GAD2: variants seen among roughly 807,000 people sequenced by gnomAD.
The protein encoded by GAD2 is glutamate decarboxylase 2.
In GAD2, 22 loss-of-function variants were observed where a neutral mutation model predicts 80.1. The ratio of observed to expected loss-of-function variants is 0.27; its 90% confidence interval spans 0.20 to 0.39. GAD2 has a LOEUF of 0.39. Among genes scored for constraint, GAD2 ranks in the 10% least tolerant of loss-of-function variants. GAD2 has a pLI of 1.00. For synonymous variants in GAD2, 274 were observed against 256.9 expected (o/e 1.07, Z -0.64); for missense variants, 624 against 738.4 (o/e 0.85, Z 1.80).
intron 12 of GAD2, among the ~76,000 whole-genome samples, chr10:26,285,017 T>TA (rs755686630): frequency 6.6e-6 from 1 of 152,206 alleles, no homozygotes; most frequent in Non-Finnish European, 1.5e-5. Flanking sequence ...GCCTGAGGAA[T>TA]AATGGTACAA....
chr10:26,247,990 C>T (rs1008708857), intron 8 of GAD2, among the ~76,000 whole-genome samples: 3 of 151,506 alleles, frequency 2.0e-5, no homozygotes, highest in East Asian at 1.9e-4. Context: ...GAGGTTCACT[C>T]GCCAGCAGCA....
intron 3 of GAD2, chr10:26,218,349 G>T (rs941569682): frequency 4.5e-6 from 1 of 223,780 alleles, no homozygotes; most frequent in Admixed American, 5.7e-5. Context: ...TCCAAATACC[G>T]TGCCCGAGAA....
rs1304464664 is a variant in GAD2 at position 26,292,585 on chromosome 10, A to G, written c.1494+13A>G. The G allele has an allele frequency of 1.3e-6, 2 of 1,581,214 alleles. No individual in the cohort carries two copies. The highest frequency in any genetic ancestry group is 1.7e-5 in the Admixed American group (1 of 59,926). ...GTTTGATGGGAAGGTATGTATTTGGATTTCTACAATCTCAGAAAGTTTAGT... is the reference window on the plus strand; with the variant it reads ...GTTTGATGGGAAGGTATGTATTTGGGTTTCTACAATCTCAGAAAGTTTAGT... On this transcript the variant is annotated intron_variant, in intron 14 of 15. Transcript: ENST00000376261.
chr10:26,264,933 A>T (rs1366496738), intron 8 of GAD2, among the ~76,000 whole-genome samples: 1 of 152,162 alleles, frequency 6.6e-6, no homozygotes, highest in Non-Finnish European at 1.5e-5. Context: ...TCAACTAGTG[A>T]CTCAGGCACC....
At position 26,302,589 on chromosome 10, in the gene GAD2, G is replaced by C. The variant is rs1361102693; in HGVS notation, c.*1628G>C. On this transcript the variant is annotated 3_prime_UTR_variant, in exon 16 of 16. Coordinates refer to ENST00000376261, the MANE Select transcript of GAD2 (RefSeq NM_001134366.2). ...ATTTCTGAATGGACCAGGTAGTTCAGTACTCAGACTGCAGGTATACAAGGG... is the reference window on the plus strand; with the variant it reads ...ATTTCTGAATGGACCAGGTAGTTCACTACTCAGACTGCAGGTATACAAGGG... 6.6e-6 allele frequency: 1 copy of C among 152,190 alleles called. No individual in the cohort carries two copies. Among genetic ancestry groups the C allele is most frequent in the African/African-American group, 2.4e-5 (1 of 41,450 alleles). 9.4% of individuals were successfully genotyped at this position (152,190 alleles called of 1,614,324 possible). A position where few individuals can be genotyped will look rare whatever the true frequency, so the allele number is the denominator to read the frequency against.
chr10:26,284,555 G>C (rs1027472827), intron 12 of GAD2, among the ~76,000 whole-genome samples: 26 of 144,410 alleles, frequency 1.8e-4, no homozygotes, highest in African/African-American at 6.5e-4. Flanking sequence ...TGAGACTGCG[G>C]CTGTTCAGCT....
chr10:26,249,131 C>G (rs369018477), intron 8 of GAD2, among the ~76,000 whole-genome samples: 2 of 152,162 alleles, frequency 1.3e-5, no homozygotes, highest in South Asian at 4.1e-4. Flanking sequence ...GGTGCTGTCT[C>G]GGCTCACTGC....
chr10:26,300,499 C>G (rs906034925), intron 15 of GAD2, among the ~76,000 whole-genome samples: 1 of 152,092 alleles, frequency 6.6e-6, no homozygotes, highest in African/African-American at 2.4e-5. Context: ...GGGGCCAATA[C>G]TAGATTCATC....
At chr10:26,230,215 G>A (rs991458347) in intron 7 of GAD2, among the ~76,000 whole-genome samples, 13 of 152,090 alleles carry the variant, frequency 8.5e-5, no homozygotes, top group Non-Finnish European at 1.9e-4. Flanking sequence ...CCTACCCTTC[G>A]CTTCTGCGCA....
intron 10 of GAD2, 33 bp downstream of exon 10, chr10:26,270,789 GTCCT>G: frequency 1.5e-6 from 2 of 1,332,890 alleles, no homozygotes; most frequent in Non-Finnish European, 2.2e-6. Flanking sequence ...CCACTAAAAC[GTCCT>G]TGCACGTTTT....
chr10:26,302,212 A>G lies in GAD2; in HGVS notation c.*1251A>G, dbSNP rs1834335775. 1 of 151,610 alleles carries G rather than the reference A, an allele frequency of 6.6e-6. No individual in the cohort carries two copies. Among genetic ancestry groups the G allele is most frequent in the Non-Finnish European group, 1.5e-5 (1 of 67,920 alleles). The allele number at this position is 151,610 out of a possible 1,614,324, so 9.4% of individuals were successfully genotyped here. ...CTCCCCACAAAGTCTCTCCCACTAG[A>G]CTCCCTACCACTGGGACCCAAAATA... On this transcript the variant is annotated 3_prime_UTR_variant, in exon 16 of 16. Coordinates refer to ENST00000376261, the MANE Select transcript of GAD2 (RefSeq NM_001134366.2).
At chr10:26,282,186 G>T (rs973050545) in intron 12 of GAD2, among the ~76,000 whole-genome samples, 1 of 152,060 alleles carries the variant, frequency 6.6e-6, no homozygotes, top group Non-Finnish European at 1.5e-5. Context: ...CAAGTGATCC[G>T]CCCACCTCAG....
chr10:26,231,630 G>T (rs1844602526), intron 7 of GAD2, among the ~76,000 whole-genome samples: 1 of 152,112 alleles, frequency 6.6e-6, no homozygotes, highest in African/African-American at 2.4e-5. Flanking sequence ...GTTGCTGCTG[G>T]AACAAATGAT....
intron 8 of GAD2, among the ~76,000 whole-genome samples, chr10:26,257,890 C>G (rs1423972878): frequency 6.6e-6 from 1 of 152,148 alleles, no homozygotes; most frequent in African/African-American, 2.4e-5. Context: ...TCTTTCGGGT[C>G]CTTGGGAAGC....
At chr10:26,252,741 C>G (rs923467793) in intron 8 of GAD2, among the ~76,000 whole-genome samples, 1 of 152,064 alleles carries the variant, frequency 6.6e-6, no homozygotes, top group Admixed American at 6.5e-5. Flanking sequence ...TCACTACAAC[C>G]TCTGCCTCCA....
chr10:26,265,231 G>T (rs1472303273), intron 8 of GAD2, among the ~76,000 whole-genome samples: 1 of 144,570 alleles, frequency 6.9e-6, no homozygotes, highest in Non-Finnish European at 1.5e-5. Context: ...TTTAGACGGA[G>T]TCTCACTCTG....
intron 4 of GAD2, among the ~76,000 whole-genome samples, 166 bp from the exon 5 acceptor site, chr10:26,223,721 G>A (rs547252875): frequency 6.6e-6 from 1 of 151,502 alleles, no homozygotes; most frequent in East Asian, 1.9e-4. Flanking sequence ...GTGTGTGTGT[G>A]TGTGTGTTCT....
At chr10:26,241,857 G>T (rs1249528773) in intron 7 of GAD2, among the ~76,000 whole-genome samples, 1 of 152,120 alleles carries the variant, frequency 6.6e-6, no homozygotes, top group Non-Finnish European at 1.5e-5. Flanking sequence ...CCTCTGGGTG[G>T]TCTGCTAGTA....
chr10:26,281,734 GA>G (rs1392262857), intron 12 of GAD2, among the ~76,000 whole-genome samples: 1 of 152,060 alleles, frequency 6.6e-6, no homozygotes, highest in African/African-American at 2.4e-5. Context: ...CCAGGCCTAG[GA>G]CCATTCTCAG....
Sources: gnomAD v4.1 joint callset for allele counts (sites outside exome capture counted in the v4.1 genomes callset) on GRCh38, gnomAD v4.1.1 for gene constraint, MANE v1.5 for transcripts, NCBI Gene and HGNC (gene_info 2026-07-23, HGNC 2026-07-21) for gene names.